Variants in PSPC1 observed in about 807,000 individuals in gnomAD.
PSPC1 encodes paraspeckle protein 1.
In PSPC1, 14 loss-of-function variants were observed where a neutral mutation model predicts 51.6. The ratio of observed to expected loss-of-function variants is 0.27; its 90% CI spans 0.18 to 0.42. The LOEUF (loss-of-function observed/expected upper bound fraction) is 0.42, where lower values mean the gene tolerates loss of function less well. Ranked by LOEUF, PSPC1 falls within the 10% of genes least tolerant of loss-of-function variation. The pLI is 1.00. For missense variants in PSPC1, 406 were observed against 701.1 expected, an observed-to-expected ratio of 0.58 and a Z score of 4.75; for synonymous variants, 193 against 231.9, an observed-to-expected ratio of 0.83 and a Z score of 1.53.
chr13:19,773,261 T>G (rs1434929588), intron 1 of PSPC1, among the ~76,000 whole-genome samples: 4 of 151,238 alleles, frequency 2.6e-5, no homozygotes, highest in Admixed American at 6.6e-5. Context: ...TTTTTTTTTT[T>G]TTTTTTGAGA....
intron 5 of PSPC1, among the ~76,000 whole-genome samples, chr13:19,735,759 T>C (rs1339076426): frequency 6.6e-6 from 1 of 152,108 alleles, no homozygotes; most frequent in Non-Finnish European, 1.5e-5. Flanking sequence ...ATCTTGCAAA[T>C]ATATATGAGT....
chr13:19,725,361 T>C (rs1346205138), intron 6 of PSPC1, among the ~76,000 whole-genome samples: 1 of 152,192 alleles, frequency 6.6e-6, no homozygotes, highest in Non-Finnish European at 1.5e-5. Context: ...CAGTGAGCCT[T>C]CTAAAAACAC....
chr13:19,678,016 A>G, intron 6 of PSPC1: 1 of 322,356 alleles, frequency 3.1e-6, no homozygotes, highest in South Asian at 2.5e-5. Context: ...CATTTCCTCA[A>G]AGAACATCAA....
intron 6 of PSPC1, among the ~76,000 whole-genome samples, chr13:19,711,554 C>T (rs1193698341): frequency 1.4e-5 from 2 of 146,680 alleles, no homozygotes; most frequent in East Asian, 2.2e-4. Flanking sequence ...AGGAGAATTG[C>T]GGGAACCCAG....
downstream of PSPC1, among the ~76,000 whole-genome samples, chr13:19,673,762 A>G (rs1444298603): frequency 6.6e-6 from 1 of 152,210 alleles, no homozygotes; most frequent in Admixed American, 6.5e-5. Context: ...AGGAATCGTC[A>G]AATAGTTCAA....
At chr13:19,702,355 ATTGTT>A (rs1880020199), downstream of PSPC1, 1 of 152,190 alleles carries the variant, frequency 6.6e-6, no homozygotes, top group Non-Finnish European at 1.5e-5. Context: ...ACCCAACAGT[ATTGTT>A]TTATTTTAAA....
chr13:19,780,909 C>G (rs963862094), intron 1 of PSPC1, among the ~76,000 whole-genome samples: 6 of 152,248 alleles, frequency 3.9e-5, no homozygotes, highest in Non-Finnish European at 8.8e-5. Flanking sequence ...GTAATCCCAG[C>G]ACTTTGGGAG....
chr13:19,676,615 C>T (rs905415494), intron 7 of PSPC1, among the ~76,000 whole-genome samples: 1 of 152,194 alleles, frequency 6.6e-6, no homozygotes, highest in East Asian at 1.9e-4. Flanking sequence ...TTTTGACTTG[C>T]AGGACTCTGT....
intron 7 of PSPC1, among the ~76,000 whole-genome samples, chr13:19,708,851 C>A (rs1181906472): frequency 1.3e-5 from 2 of 152,138 alleles, no homozygotes; most frequent in Non-Finnish European, 2.9e-5. Flanking sequence ...ATTTCCAACT[C>A]GGAAACTATC....
At chr13:19,725,731 G>T (rs1419118464) in intron 6 of PSPC1, among the ~76,000 whole-genome samples, 1 of 152,190 alleles carries the variant, frequency 6.6e-6, no homozygotes, top group East Asian at 1.9e-4. Flanking sequence ...TTAGAACTAT[G>T]CACGCAAAAT....
downstream of PSPC1, chr13:19,673,227 C>G (rs1876255349): frequency 4.7e-6 from 2 of 424,164 alleles, no homozygotes; most frequent in South Asian, 1.7e-5. Context: ...GGAAGAGTTC[C>G]TGCTTCTGTA....
chr13:19,720,017 T>G (rs1293998196), intron 6 of PSPC1, among the ~76,000 whole-genome samples: 1 of 152,210 alleles, frequency 6.6e-6, no homozygotes, highest in Non-Finnish European at 1.5e-5. Flanking sequence ...GAGAGCATTT[T>G]CAAGATTACC....
At chr13:19,719,513 A>T (rs1882515192) in intron 6 of PSPC1, among the ~76,000 whole-genome samples, 1 of 152,200 alleles carries the variant, frequency 6.6e-6, no homozygotes, top group Non-Finnish European at 1.5e-5. Context: ...CGAAACAAAA[A>T]GTAGTTGTTA....
At chr13:19,736,483 A>G (rs563379236) in intron 5 of PSPC1, among the ~76,000 whole-genome samples, 1 of 152,012 alleles carries the variant, frequency 6.6e-6, no homozygotes, top group Admixed American at 6.6e-5. Flanking sequence ...GCAGATCGAG[A>G]CCATCCTGGC....
At chr13:19,742,370 G>A (rs1165193960) in intron 4 of PSPC1, among the ~76,000 whole-genome samples, 4 of 151,446 alleles carry the variant, frequency 2.6e-5, no homozygotes, top group Non-Finnish European at 4.4e-5. Flanking sequence ...TTGGGAGGCC[G>A]AGGCAGGCGG....
chr13:19,705,348 C>G (rs1415293730), intron 8 of PSPC1, among the ~76,000 whole-genome samples: 1 of 152,196 alleles, frequency 6.6e-6, no homozygotes, highest in Non-Finnish European at 1.5e-5. Flanking sequence ...CAAAAATTAG[C>G]CTGGCGTGGT....
At chr13:19,741,875 C>A (rs1885467882) in intron 4 of PSPC1, among the ~76,000 whole-genome samples, 1 of 151,738 alleles carries the variant, frequency 6.6e-6, no homozygotes, top group African/African-American at 2.4e-5. Flanking sequence ...CCCACGCCTA[C>A]AATCCCAGTA....
intron 6 of PSPC1, among the ~76,000 whole-genome samples, chr13:19,697,135 C>A (rs956914556): frequency 6.6e-6 from 1 of 152,120 alleles, no homozygotes; most frequent in Non-Finnish European, 1.5e-5. Context: ...TCTTTTGAGG[C>A]ACAATATCTG....
chr13:19,766,282 T>G (rs1024948293), intron 2 of PSPC1, among the ~76,000 whole-genome samples: 1 of 152,062 alleles, frequency 6.6e-6, no homozygotes, highest in African/African-American at 2.4e-5. Context: ...CTGAGGCACA[T>G]GAATCGCTTG....
Sources: gnomAD v4.1 joint callset for allele counts (sites outside exome capture counted in the v4.1 genomes callset) on GRCh38, gnomAD v4.1.1 for gene constraint, MANE v1.5 for transcripts, NCBI Gene and HGNC (gene_info 2026-07-23, HGNC 2026-07-21) for gene names.